TXNDC12: variants seen among roughly 807,000 people sequenced by gnomAD.
The protein encoded by TXNDC12 is thioredoxin domain-containing protein 12.
A neutral mutation model predicts 24.2 loss-of-function variants in TXNDC12; 22 were observed. The ratio of observed to expected loss-of-function variants is 0.91; its 90% CI spans 0.65 to 1.30. The LOEUF is 1.30. Among genes scored for constraint, TXNDC12 ranks in the 50% most tolerant of loss-of-function variants. The probability of loss-of-function intolerance (pLI) is 0.00; values close to 1 mark genes in which losing one functional copy is unlikely to be tolerated. For missense variants in TXNDC12, 184 were observed against 205.8 expected, an observed-to-expected ratio of 0.89 and a Z score of 0.65; for synonymous variants, 58 against 73.4, an observed-to-expected ratio of 0.79 and a Z score of 1.07.
intron 1 of TXNDC12, chr1:52,043,993 C>A (rs148075642): frequency 7.9e-5 from 12 of 152,314 alleles, no homozygotes; most frequent in African/African-American, 2.9e-4. Flanking sequence ...AGATTTGACT[C>A]TGAAGAGTGA....
intron 1 of TXNDC12, among the ~76,000 whole-genome samples, chr1:52,053,429 C>T (rs937472268): frequency 6.6e-6 from 1 of 152,084 alleles, no homozygotes; most frequent in Non-Finnish European, 1.5e-5. Context: ...CTTTGGGAGG[C>T]CGAGGCGGGC....
intron 1 of TXNDC12, among the ~76,000 whole-genome samples, chr1:52,044,550 A>AC (rs1369486855): frequency 6.6e-6 from 1 of 152,218 alleles, no homozygotes; most frequent in African/African-American, 2.4e-5. Context: ...CAAGCAACAA[A>AC]CAGATTTTGA....
chr1:52,026,119 A>G (rs1346512967), intron 4 of TXNDC12, among the ~76,000 whole-genome samples: 1 of 152,096 alleles, frequency 6.6e-6, no homozygotes, highest in African/African-American at 2.4e-5. Flanking sequence ...ATGAGCCACC[A>G]TGTCTGGCCC....
chr1:52,048,169 A>T (rs1021910947), intron 1 of TXNDC12, among the ~76,000 whole-genome samples: 6 of 152,244 alleles, frequency 3.9e-5, no homozygotes, highest in Non-Finnish European at 1.5e-5. Flanking sequence ...TACGATGCTT[A>T]TAAAAGCATA....
intron 1 of TXNDC12, among the ~76,000 whole-genome samples, chr1:52,042,617 C>G (rs552659206): frequency 6.6e-6 from 1 of 151,854 alleles, no homozygotes; most frequent in South Asian, 2.1e-4. Context: ...CCTGCCACCA[C>G]GACTGGCTAA....
At chr1:52,042,617 C>T (rs552659206) in intron 1 of TXNDC12, among the ~76,000 whole-genome samples, 144 of 151,970 alleles carry the variant, frequency 9.5e-4, no homozygotes, top group African/African-American at 3.3e-3. Flanking sequence ...CCTGCCACCA[C>T]GACTGGCTAA....
At chr1:52,021,255 A>T (rs1196039620) in intron 6 of TXNDC12, among the ~76,000 whole-genome samples, 1 of 152,182 alleles carries the variant, frequency 6.6e-6, no homozygotes, top group Non-Finnish European at 1.5e-5. Context: ...GGGAGAATGG[A>T]TAATAAAAGT....
intron 2 of TXNDC12, among the ~76,000 whole-genome samples, chr1:52,038,615 A>G (rs920885263): frequency 6.6e-6 from 1 of 152,128 alleles, no homozygotes; most frequent in African/African-American, 2.4e-5. Flanking sequence ...GCCTGTCTTG[A>G]CATTTTTTAA....
chr1:52,044,994 C>A (rs1341955366), intron 1 of TXNDC12, among the ~76,000 whole-genome samples: 1 of 151,104 alleles, frequency 6.6e-6, no homozygotes, highest in Admixed American at 6.6e-5. Context: ...AAAAGAAAGT[C>A]AAATCTGTGA....
At position 52,036,862 on chromosome 1, in the gene TXNDC12, C is replaced by A. The variant is rs985803526; in HGVS notation, c.158+4675G>T. ...TTTATCCAAGATCATATCTTAAAAC[C>A]CTTTACCCCTCACCTTTTTTTGCCA... is the stretch of plus-strand genomic sequence containing the variant. On this transcript the variant is annotated intron_variant, in intron 2 of 6. Coordinates refer to ENST00000371626, the MANE Select transcript of TXNDC12 (RefSeq NM_015913.4). Among the ~76,000 whole-genome samples the A allele has an allele frequency of 4.6e-5, 7 of 152,264 alleles. No individual in the cohort carries two copies. The East Asian group carries it at 1.3e-3, about 29-fold the overall frequency.
chr1:52,026,746 C>T (rs2124360915), intron 4 of TXNDC12, among the ~76,000 whole-genome samples: 1 of 152,048 alleles, frequency 6.6e-6, no homozygotes, highest in Middle Eastern at 3.4e-3. Flanking sequence ...ACTAAAAATA[C>T]AAAAATTGGC....
At chr1:52,032,309 C>T (rs1261426496) in intron 2 of TXNDC12, 2 of 1,007,172 alleles carry the variant, frequency 2.0e-6, no homozygotes, top group African/African-American at 1.7e-5. Flanking sequence ...AGAACTGTAC[C>T]ATCTTCAGTT....
rs1407055707 is a variant in TXNDC12, at chr1:52,033,150, G to A, written c.159-4520C>T. 9 of 1,614,218 alleles carry A rather than the reference G, an allele frequency of 5.6e-6. No individual in the cohort carries two copies. In the African/African-American group the frequency reaches 6.7e-5, roughly 12 times the overall value. ...TTAGGGCCTCCAGGAGTTCGGGAGA[G>A]TAAAAGGCACCGGACCCATGCTTTG... is the stretch of plus-strand genomic sequence containing the variant. On this transcript the variant is annotated intron_variant, in intron 2 of 6. Transcript: ENST00000371626.
In TXNDC12 at chr1:52,041,534, TA is replaced by T. The variant is rs1331341529; in HGVS notation, c.158+2del. 1 of 1,609,344 alleles carries T rather than the reference TA, an allele frequency of 6.2e-7. No individual in the cohort carries two copies. The highest frequency in any genetic ancestry group is 8.5e-7 in the Non-Finnish European group (1 of 1,176,180). Reference sequence around the variant, plus strand: ...ATAAATGACCTAAAACCATGTCTTGTACCTGGCAGCTGCTTCTTTCTTCCCA... The same window carrying T: ...ATAAATGACCTAAAACCATGTCTTGTCCTGGCAGCTGCTTCTTTCTTCCCA... On this transcript the variant is annotated splice_donor_variant, in intron 2 of 6. Coordinates refer to ENST00000371626, the MANE Select transcript of TXNDC12 (RefSeq NM_015913.4). LOFTEE classifies it high-confidence loss of function.
intron 1 of TXNDC12, among the ~76,000 whole-genome samples, chr1:52,043,369 T>G (rs1188086646): frequency 6.6e-6 from 1 of 152,214 alleles, no homozygotes; most frequent in Non-Finnish European, 1.5e-5. Flanking sequence ...CATAAAATAT[T>G]TGTTGAGCAA....
At chr1:52,038,903 G>T (rs1161826585) in intron 2 of TXNDC12, among the ~76,000 whole-genome samples, 9 of 116,266 alleles carry the variant, frequency 7.7e-5, no homozygotes, top group African/African-American at 1.9e-4. Context: ...TTCTTTTTCT[G>T]TTTTTTTTTT....
chr1:52,037,543 G>GA (rs1267143592), intron 2 of TXNDC12, among the ~76,000 whole-genome samples: 1 of 152,090 alleles, frequency 6.6e-6, no homozygotes, highest in African/African-American at 2.4e-5. Context: ...CTTTGGTGCT[G>GA]AACTCATGGG....
At chr1:52,031,962 A>G (rs992838499) in intron 2 of TXNDC12, 3 of 197,386 alleles carry the variant, frequency 1.5e-5, no homozygotes, top group Non-Finnish European at 1.8e-5. Context: ...TTGTCATAAT[A>G]TAATTACTGT....
At chr1:52,033,876 C>T in intron 2 of TXNDC12, 2 of 1,439,032 alleles carry the variant, frequency 1.4e-6, no homozygotes, top group African/African-American at 1.4e-5. Context: ...CTTTTACAGA[C>T]CCTCTTGTTT....
Sources: allele counts gnomAD v4.1 joint callset (sites outside exome capture counted in the v4.1 genomes callset), GRCh38; gene constraint gnomAD v4.1.1; transcripts MANE v1.5; gene names NCBI Gene and HGNC (gene_info 2026-07-23, HGNC 2026-07-21).